Variants in GALNT17 observed in about 807,000 individuals in gnomAD.
GALNT17 encodes UDP-GalNAc:polypeptide N-acetylgalactosaminyltransferase-like 3.
A neutral mutation model predicts 63.7 loss-of-function variants in GALNT17; 29 were observed. The observed-to-expected ratio is 0.46, with a 90% CI of 0.34 to 0.62. GALNT17 has a LOEUF of 0.62. Ranked by LOEUF, GALNT17 falls within the 20% of genes least tolerant of loss-of-function variation. The probability of loss-of-function intolerance (pLI) is 0.01; values close to 1 mark genes in which losing one functional copy is unlikely to be tolerated. For synonymous variants in GALNT17, 305 were observed against 318.3 expected (o/e 0.96, Z 0.45); for missense variants, 603 against 799.6 (o/e 0.75, Z 2.97).
intron 3 of GALNT17, among the ~76,000 whole-genome samples, chr7:71,409,392 G>C (rs1300422671): frequency 6.6e-6 from 1 of 152,140 alleles, no homozygotes; most frequent in East Asian, 1.9e-4. Flanking sequence ...ACAAGTTCTT[G>C]GGCCACCTCA....
intron 1 of GALNT17, among the ~76,000 whole-genome samples, chr7:71,316,227 G>T (rs11983518): frequency 0.028 from 3,646 of 129,652 alleles, 97 homozygotes; most frequent in East Asian, 0.098. Context: ...TGATCTGTGG[G>T]TCTGATCAGG....
chr7:71,221,411 C>G (rs902081190), intron 1 of GALNT17, among the ~76,000 whole-genome samples: 1 of 134,822 alleles, frequency 7.4e-6, no homozygotes, highest in Non-Finnish European at 1.6e-5. Flanking sequence ...TTTTTTCCAA[C>G]CCTACAACTT....
chr7:71,628,875 T>C (rs1430105851), intron 6 of GALNT17, among the ~76,000 whole-genome samples: 1 of 152,084 alleles, frequency 6.6e-6, no homozygotes, highest in Non-Finnish European at 1.5e-5. Flanking sequence ...GAGGTTGCAG[T>C]GAGCCCAGAT....
chr7:71,312,720 A>G (rs1055025692), intron 1 of GALNT17, among the ~76,000 whole-genome samples: 2 of 152,258 alleles, frequency 1.3e-5, no homozygotes, highest in East Asian at 1.9e-4. Flanking sequence ...TCATTTTAAC[A>G]TAGTCACCTG....
rs186961205 is a variant in GALNT17 at position 71,362,399 on chromosome 7, A to G, written c.423-25836A>G. 2.0e-4 allele frequency among the ~76,000 whole-genome samples: 31 copies of G among 152,326 alleles called. No homozygotes were observed. The East Asian group carries it at 5.2e-3, about 26-fold the overall frequency. On this transcript the variant is annotated intron_variant, in intron 2 of 10. Transcript: ENST00000333538. ...ATTACACCAAATGTACTTAACAGCA[A>G]TTAGAATGTTTGCCGCCTGCTGTGT...
chr7:71,276,674 T>A (rs1281307452), intron 1 of GALNT17, among the ~76,000 whole-genome samples: 1 of 152,176 alleles, frequency 6.6e-6, no homozygotes, highest in Non-Finnish European at 1.5e-5. Context: ...CATGTGTAAC[T>A]GTGAACCCAT....
At chr7:71,210,504 T>C (rs1789355847) in intron 1 of GALNT17, among the ~76,000 whole-genome samples, 1 of 152,130 alleles carries the variant, frequency 6.6e-6, no homozygotes, top group African/African-American at 2.4e-5. Context: ...TCTTGTGGAG[T>C]TTGCAGAGTT....
intron 5 of GALNT17, among the ~76,000 whole-genome samples, chr7:71,471,929 AT>A (rs11300315): frequency 0.038 from 5,200 of 137,022 alleles, 119 homozygotes; most frequent in African/African-American, 0.078. Flanking sequence ...TCTGTGTCTC[AT>A]TTTTTTTTTT....
intron 5 of GALNT17, among the ~76,000 whole-genome samples, chr7:71,426,316 C>T (rs960756837): frequency 2.6e-5 from 4 of 152,184 alleles, no homozygotes; most frequent in South Asian, 2.1e-4. Flanking sequence ...GTCCACAGCC[C>T]TCTCTGCTGA....
intron 5 of GALNT17, among the ~76,000 whole-genome samples, chr7:71,452,068 G>T (rs1049276966): frequency 6.6e-6 from 1 of 151,970 alleles, no homozygotes; most frequent in Non-Finnish European, 1.5e-5. Flanking sequence ...TGATAAATAA[G>T]TGATACATGA....
chr7:71,631,526 G>T (rs1337728955), intron 6 of GALNT17, among the ~76,000 whole-genome samples: 2 of 152,150 alleles, frequency 1.3e-5, no homozygotes, highest in Non-Finnish European at 2.9e-5. Flanking sequence ...AACAAGTCTT[G>T]TGGGCTTCTG....
chr7:71,465,878 G>A lies in GALNT17; in HGVS notation c.962+44773G>A, dbSNP rs539922663. 5.9e-5 allele frequency among the ~76,000 whole-genome samples: 9 copies of A among 152,342 alleles called. No homozygotes were observed. In the East Asian group the frequency reaches 1.7e-3, roughly 29 times the overall value. ...TTATGGTGGCGGGAGAAAGAAAGAG[G>A]CTTGGCTAGCAAAGGTGGCCTTGTT... On this transcript the variant is annotated intron_variant, in intron 5 of 10. Transcript: ENST00000333538.
At chr7:71,651,100 T>A (rs1220466829) in intron 6 of GALNT17, among the ~76,000 whole-genome samples, 1 of 151,316 alleles carries the variant, frequency 6.6e-6, no homozygotes, top group South Asian at 2.1e-4. Context: ...AGAGGACTAA[T>A]GGACCAGTGT....
chr7:71,283,922 GCACTCTGTAAAATAGACCAATCAA>G (rs1279571201), intron 1 of GALNT17: 9 of 152,156 alleles, frequency 5.9e-5, no homozygotes, highest in Admixed American at 5.9e-4. Context: ...GCACCATTCA[GCACTCTGTAAAATAGACCAATCAA>G]CACTCTGTAA....
chr7:71,623,574 C>T (rs748900649), intron 6 of GALNT17, among the ~76,000 whole-genome samples: 2 of 151,768 alleles, frequency 1.3e-5, no homozygotes, highest in African/African-American at 2.4e-5. Flanking sequence ...CACACCACCA[C>T]GCCAAGCTAT....
intron 1 of GALNT17, among the ~76,000 whole-genome samples, chr7:71,186,428 G>T (rs549775827): frequency 1.3e-5 from 2 of 152,062 alleles, no homozygotes; most frequent in African/African-American, 4.8e-5. Context: ...TAAGCTGAGC[G>T]GGGCCTCTGC....
At chr7:71,235,211 A>G (rs1789864577) in intron 1 of GALNT17, among the ~76,000 whole-genome samples, 1 of 151,270 alleles carries the variant, frequency 6.6e-6, no homozygotes, top group African/African-American at 2.4e-5. Context: ...AGATTGCGCC[A>G]TTGCACTCCA....
rs1459288097 is a variant in GALNT17 at position 71,446,499 on chromosome 7, A to G, written c.962+25394A>G. On this transcript the variant is annotated intron_variant, in intron 5 of 10. Coordinates refer to ENST00000333538, the MANE Select transcript of GALNT17 (RefSeq NM_022479.3). ...TTGTATGTACATGTTTAAAAGTCAA[A>G]TATATATTCTACAAGGCTCTACCTA... Among the ~76,000 whole-genome samples, 4 of 152,294 alleles carry G rather than the reference A, an allele frequency of 2.6e-5. No homozygotes were observed. The East Asian group carries it at 7.7e-4, about 29-fold the overall frequency.
At chr7:71,358,033 G>A (rs1027700252) in intron 2 of GALNT17, among the ~76,000 whole-genome samples, 4 of 152,158 alleles carry the variant, frequency 2.6e-5, no homozygotes, top group Non-Finnish European at 5.9e-5. Flanking sequence ...GCGGCAACCC[G>A]CTCGGGTCCC....
Sources: allele counts gnomAD v4.1 joint callset (sites outside exome capture counted in the v4.1 genomes callset), GRCh38; gene constraint gnomAD v4.1.1; transcripts MANE v1.5; gene names NCBI Gene and HGNC (gene_info 2026-07-23, HGNC 2026-07-21).